Variants in ULK4 observed in about 807,000 individuals in gnomAD.
The protein encoded by ULK4 is inactive serine/threonine-protein kinase ULK4.
A neutral mutation model predicts 160.6 loss-of-function variants in ULK4; 133 were observed. The observed-to-expected ratio is 0.83, with a 90% CI of 0.72 to 0.96. The LOEUF (loss-of-function observed/expected upper bound fraction) is 0.96, where lower values mean the gene tolerates loss of function less well. Among genes scored for constraint, ULK4 ranks in the 40% least tolerant of loss-of-function variants. The probability of loss-of-function intolerance (pLI) is 0.00; values close to 1 mark genes in which losing one functional copy is unlikely to be tolerated. For synonymous variants in ULK4, 534 were observed against 539.8 expected (o/e 0.99, Z 0.15); for missense variants, 1,580 against 1,499.5 (o/e 1.05, Z -0.89).
At chr3:41,731,828 A>G (rs1482816461) in intron 22 of ULK4, among the ~76,000 whole-genome samples, 1 of 152,156 alleles carries the variant, frequency 6.6e-6, no homozygotes, top group Non-Finnish European at 1.5e-5. Context: ...AAGTAAATCC[A>G]CACAATTATA....
At chr3:41,715,665 A>G in intron 23 of ULK4, 97 bp from the exon 24 acceptor site, 7 of 1,470,236 alleles carry the variant, frequency 4.8e-6, no homozygotes, top group Non-Finnish European at 5.5e-6. Context: ...CTTCTAAGGT[A>G]ATTAATCTCC....
At chr3:41,407,436 T>C (rs1016808973) in intron 34 of ULK4, among the ~76,000 whole-genome samples, 8 of 152,132 alleles carry the variant, frequency 5.3e-5, no homozygotes, top group Admixed American at 3.3e-4. Flanking sequence ...AAACCCACTA[T>C]AGGCCAATAG....
chr3:41,605,322 T>A (rs982243067), intron 31 of ULK4, among the ~76,000 whole-genome samples: 1 of 151,828 alleles, frequency 6.6e-6, no homozygotes, highest in South Asian at 2.1e-4. Context: ...ATTATTAGAT[T>A]GAAAAAAAGG....
intron 30 of ULK4, among the ~76,000 whole-genome samples, chr3:41,655,074 T>G (rs1010197471): frequency 8.3e-4 from 126 of 151,946 alleles, no homozygotes; most frequent in African/African-American, 2.7e-3. Flanking sequence ...TTTGGGAGGC[T>G]GAGGTGGGAG....
chr3:41,398,571 T>G (rs1575512438), intron 34 of ULK4, among the ~76,000 whole-genome samples: 1 of 129,554 alleles, frequency 7.7e-6, no homozygotes, highest in Admixed American at 7.4e-5. Flanking sequence ...TTTTTTTTTT[T>G]GGTAGAGACG....
chr3:41,759,099 G>A (rs1473062556), intron 21 of ULK4, among the ~76,000 whole-genome samples: 1 of 152,068 alleles, frequency 6.6e-6, no homozygotes, highest in Non-Finnish European at 1.5e-5. Flanking sequence ...TGACAGACAA[G>A]GTGTTTCCCC....
At chr3:41,697,027 AGCCC>A in intron 27 of ULK4, among the ~76,000 whole-genome samples, 1 of 152,298 alleles carries the variant, frequency 6.6e-6, no homozygotes, top group Non-Finnish European at 1.5e-5. Flanking sequence ...CCTTCATTTT[AGCCC>A]CAAAACTCAT....
intron 20 of ULK4, among the ~76,000 whole-genome samples, chr3:41,797,507 C>T (rs77087698): frequency 0.048 from 7,342 of 152,080 alleles, 569 homozygotes; most frequent in African/African-American, 0.17. Context: ...TTGTAAATGA[C>T]GTGAAAAATA....
intron 35 of ULK4, among the ~76,000 whole-genome samples, chr3:41,379,462 T>C (rs1487014577): frequency 2.0e-5 from 3 of 152,148 alleles, no homozygotes; most frequent in Non-Finnish European, 4.4e-5. Context: ...TTTCAAAACA[T>C]TTCCTTGAAC....
chr3:41,330,215 C>T (rs1023173882), intron 35 of ULK4, among the ~76,000 whole-genome samples: 2 of 152,306 alleles, frequency 1.3e-5, no homozygotes, highest in African/African-American at 2.4e-5. Flanking sequence ...TTTCATTCAA[C>T]CAGCTTCTAT....
intron 32 of ULK4, among the ~76,000 whole-genome samples, chr3:41,562,972 T>C (rs571995693): frequency 1.5e-4 from 23 of 152,330 alleles, no homozygotes. Flanking sequence ...TGTTTGCAAT[T>C]TGGCATGTTT....
At chr3:41,829,883 C>T (rs2125645047) in intron 18 of ULK4, among the ~76,000 whole-genome samples, 1 of 150,010 alleles carries the variant, frequency 6.7e-6, no homozygotes, top group African/African-American at 2.5e-5. Flanking sequence ...ATAGCAAAGA[C>T]TTGGAACCAA....
intron 35 of ULK4, among the ~76,000 whole-genome samples, chr3:41,383,133 T>C (rs1202685605): frequency 1.3e-5 from 2 of 151,692 alleles, no homozygotes; most frequent in South Asian, 2.1e-4. Flanking sequence ...AGTTTCACTG[T>C]TGTCACCCAG....
At chr3:41,675,929 T>C (rs889488265) in intron 29 of ULK4, among the ~76,000 whole-genome samples, 7 of 152,202 alleles carry the variant, frequency 4.6e-5, no homozygotes, top group African/African-American at 1.4e-4. Context: ...TAATTTGTTA[T>C]AGGAGCACTA....
At chr3:41,949,735 T>C (rs1320632440) in intron 2 of ULK4, among the ~76,000 whole-genome samples, 1 of 143,668 alleles carries the variant, frequency 7.0e-6, no homozygotes, top group East Asian at 2.6e-4. Flanking sequence ...ACACCTGCCT[T>C]TTTTTTTTTC....
intron 31 of ULK4, among the ~76,000 whole-genome samples, chr3:41,583,135 T>C (rs1435100564): frequency 6.6e-6 from 1 of 152,210 alleles, no homozygotes; most frequent in Non-Finnish European, 1.5e-5. Flanking sequence ...CACAGGCTTC[T>C]ATATGCTCCC....
chr3:41,850,367 G>C (rs968712796), intron 17 of ULK4, among the ~76,000 whole-genome samples: 5 of 152,090 alleles, frequency 3.3e-5, no homozygotes, highest in African/African-American at 1.2e-4. Flanking sequence ...TCTAGTTCTA[G>C]ATCTCTGAGG....
At chr3:41,336,162 G>A (rs1003869143) in intron 35 of ULK4, among the ~76,000 whole-genome samples, 15 of 152,186 alleles carry the variant, frequency 9.9e-5, no homozygotes, top group Admixed American at 2.0e-4. Context: ...CACCATCCCC[G>A]GCAACATGTC....
chr3:41,672,211 G>A (rs556670868), intron 29 of ULK4, among the ~76,000 whole-genome samples: 1 of 152,264 alleles, frequency 6.6e-6, no homozygotes, highest in African/African-American at 2.4e-5. Context: ...CAATTCCATT[G>A]CTAGGTATTT....
Sources: gnomAD v4.1 joint callset for allele counts (sites outside exome capture counted in the v4.1 genomes callset) on GRCh38, gnomAD v4.1.1 for gene constraint, MANE v1.5 for transcripts, NCBI Gene and HGNC (gene_info 2026-07-23, HGNC 2026-07-21) for gene names.